The following CADPS variants were observed in gnomAD, a reference collection of about 807,000 sequenced individuals.
CADPS encodes the protein calcium dependent secretion activator.
In CADPS, 57 loss-of-function variants were observed where a neutral mutation model predicts 167.3. The observed-to-expected ratio is 0.34, with a 90% CI of 0.28 to 0.42. CADPS has a LOEUF of 0.42. CADPS is among the 20% of genes least tolerant of loss of function. The probability of loss-of-function intolerance (pLI) is 1.00; values close to 1 mark genes in which losing one functional copy is unlikely to be tolerated. For synonymous variants in CADPS, 676 were observed against 635.3 expected (o/e 1.06, Z -0.96); for missense variants, 1,414 against 1,738.1 (o/e 0.81, Z 3.32).
chr3:62,864,892 C>G (rs1366791326), intron 1 of CADPS, among the ~76,000 whole-genome samples: 2 of 152,128 alleles, frequency 1.3e-5, no homozygotes, highest in Non-Finnish European at 2.9e-5. Context: ...AACCAGATTG[C>G]TAGGTTCCTA....
intron 21 of CADPS, among the ~76,000 whole-genome samples, chr3:62,487,704 C>T (rs191676106): frequency 1.1e-4 from 16 of 152,300 alleles, no homozygotes; most frequent in South Asian, 8.3e-4. Flanking sequence ...TTACCCTTTC[C>T]GTCAAATAAC....
intron 6 of CADPS, among the ~76,000 whole-genome samples, chr3:62,599,831 T>TAATAA (rs1562716692): frequency 0.017 from 105 of 6,088 alleles, 4 homozygotes; most frequent in Middle Eastern, 0.083. Context: ...ATATTATATA[T>TAATAA]ATAATATATT....
chr3:62,805,231 T>G (rs891348870), intron 1 of CADPS, among the ~76,000 whole-genome samples: 2 of 152,208 alleles, frequency 1.3e-5, no homozygotes, highest in Non-Finnish European at 2.9e-5. Context: ...AACCGCTCAC[T>G]GTTATTGAGA....
Position 62,761,904 on chromosome 3 carries a change from G to C in CADPS, c.555+3967C>G, listed in dbSNP as rs535602369. On this transcript the variant is annotated intron_variant, in intron 2 of 29. Coordinates refer to ENST00000383710, the MANE Select transcript of CADPS (RefSeq NM_003716.4). ...AAAGCCAGAATTGAAGAGATTAATGGATTAATCTGTTGCCCTGCTTGATCC... is the reference window on the plus strand; with the variant it reads ...AAAGCCAGAATTGAAGAGATTAATGCATTAATCTGTTGCCCTGCTTGATCC... 2.6e-5 allele frequency among the ~76,000 whole-genome samples: 4 copies of C among 152,244 alleles called. No individual in the cohort carries two copies. The East Asian group carries it at 7.7e-4, about 29-fold the overall frequency.
intron 1 of CADPS, among the ~76,000 whole-genome samples, chr3:62,798,053 A>G (rs561420988): frequency 6.6e-6 from 1 of 152,328 alleles, no homozygotes; most frequent in East Asian, 1.9e-4. Context: ...TATGAAAGAC[A>G]TGGCAGACAG....
rs911845544 is a variant in CADPS, at chr3:62,776,120, C to T, written c.442-10136G>A. 4.6e-5 allele frequency among the ~76,000 whole-genome samples: 7 copies of T among 152,240 alleles called. 1 individual carries two copies. In the South Asian group the frequency reaches 1.0e-3, roughly 23 times the overall value. On this transcript the variant is annotated intron_variant, in intron 1 of 29. Coordinates refer to ENST00000383710, the MANE Select transcript of CADPS (RefSeq NM_003716.4). ...TTCCAGGGTCATGTGGACTATGCTT[C>T]CAGAACCACTGCTGTAGTGAATCAA...
At chr3:62,499,690 C>T (rs1044292642) in intron 17 of CADPS, 1 of 153,970 alleles carries the variant, frequency 6.5e-6, no homozygotes, top group African/African-American at 2.4e-5. Flanking sequence ...TTATTAAATG[C>T]TACAGCGTAA....
intron 1 of CADPS, among the ~76,000 whole-genome samples, chr3:62,847,221 T>G (rs492966): frequency 8.2e-4 from 123 of 150,806 alleles, no homozygotes; most frequent in South Asian, 6.7e-3. Flanking sequence ...CAAAATGTTC[T>G]TACCCGCCAC....
chr3:62,850,864 G>C (rs964330960), intron 1 of CADPS, among the ~76,000 whole-genome samples: 23 of 151,886 alleles, frequency 1.5e-4, no homozygotes, highest in African/African-American at 5.3e-4. Flanking sequence ...GTCTAATGTT[G>C]ACAGTGGGGT....
At chr3:62,615,827 A>G (rs2062183238) in intron 6 of CADPS, among the ~76,000 whole-genome samples, 1 of 152,182 alleles carries the variant, frequency 6.6e-6, no homozygotes, top group African/African-American at 2.4e-5. Flanking sequence ...GACAATCAGA[A>G]TTCTGTGACT....
chr3:62,782,782 C>T lies in CADPS; in HGVS notation c.442-16798G>A, dbSNP rs192139851. On this transcript the variant is annotated intron_variant, in intron 1 of 29. Transcript: ENST00000383710. ...CTTTCTTTTTTTTTTTTTTTTGAGA[C>T]GGAGTCTTGCTCTGTTGCCCAGGCT... 1.6e-3 allele frequency among the ~76,000 whole-genome samples: 227 copies of T among 138,046 alleles called. 1 individual carries two copies. The highest frequency in any genetic ancestry group is 2.3e-3 in the South Asian group (10 of 4,386). The allele number at this position is 138,046 out of a possible 152,430, so 90.6% of individuals were successfully genotyped here.
intron 3 of CADPS, among the ~76,000 whole-genome samples, chr3:62,700,533 T>C (rs2081197380): frequency 6.6e-6 from 1 of 152,108 alleles, no homozygotes; most frequent in Non-Finnish European, 1.5e-5. Context: ...CTACTAGAGA[T>C]GATATGTACA....
intron 8 of CADPS, among the ~76,000 whole-genome samples, chr3:62,581,544 G>A (rs1203588187): frequency 1.3e-5 from 2 of 151,938 alleles, no homozygotes; most frequent in Non-Finnish European, 2.9e-5. Flanking sequence ...AGCTGGGCGT[G>A]GTGGTACATG....
chr3:62,764,395 C>T (rs1401970805), intron 2 of CADPS, among the ~76,000 whole-genome samples: 1 of 152,140 alleles, frequency 6.6e-6, no homozygotes, highest in Non-Finnish European at 1.5e-5. Context: ...ATGAATGATA[C>T]TTGTAAAATT....
intron 23 of CADPS, among the ~76,000 whole-genome samples, chr3:62,474,653 G>A (rs977563479): frequency 1.3e-5 from 2 of 152,146 alleles, no homozygotes; most frequent in African/African-American, 4.8e-5. Context: ...GCATATGTAA[G>A]TTCTCTCACA....
intron 1 of CADPS, among the ~76,000 whole-genome samples, chr3:62,825,954 G>T (rs1010821738): frequency 5.3e-5 from 8 of 152,262 alleles, no homozygotes; most frequent in Non-Finnish European, 1.2e-4. Context: ...GTGACAATAA[G>T]ATCTTCAAAT....
chr3:62,833,060 T>C (rs1459513853), intron 1 of CADPS, among the ~76,000 whole-genome samples: 2 of 152,272 alleles, frequency 1.3e-5, no homozygotes, highest in Middle Eastern at 3.4e-3. Flanking sequence ...GGTGCCTTCT[T>C]TTTGGCCCCA....
At chr3:62,780,999 T>C (rs1397797354) in intron 1 of CADPS, among the ~76,000 whole-genome samples, 4 of 152,194 alleles carry the variant, frequency 2.6e-5, no homozygotes, top group Admixed American at 2.6e-4. Flanking sequence ...GTACATTTAT[T>C]TTTTAAAAAG....
At chr3:62,740,635 C>T (rs1447980383) in intron 3 of CADPS, among the ~76,000 whole-genome samples, 1 of 152,092 alleles carries the variant, frequency 6.6e-6, no homozygotes, top group Non-Finnish European at 1.5e-5. Flanking sequence ...ACCAATCAAA[C>T]CCCATTGTTA....
Sources: allele counts gnomAD v4.1 joint callset (sites outside exome capture counted in the v4.1 genomes callset), GRCh38; gene constraint gnomAD v4.1.1; transcripts MANE v1.5; gene names NCBI Gene and HGNC (gene_info 2026-07-23, HGNC 2026-07-21).